STX8: variants seen among roughly 807,000 people sequenced by gnomAD.
STX8 encodes the protein syntaxin 8.
Under a neutral mutation model 37.5 loss-of-function variants are expected in STX8, and 23 were observed. That is an observed-to-expected ratio of 0.61 (90% CI 0.44 to 0.87). STX8 has a LOEUF of 0.87. Among genes scored for constraint, STX8 ranks in the 40% least tolerant of loss-of-function variants. The pLI, the probability that STX8 is intolerant of heterozygous loss-of-function variation, is 0.00. For synonymous variants in STX8, 115 were observed against 99.1 expected, an observed-to-expected ratio of 1.16 and a Z score of -0.95; for missense variants, 313 against 284.7, an observed-to-expected ratio of 1.10 and a Z score of -0.71.
intron 6 of STX8, among the ~76,000 whole-genome samples, chr17:9,457,004 T>C (rs774637401): frequency 3.9e-5 from 6 of 152,174 alleles, no homozygotes; most frequent in Non-Finnish European, 8.8e-5. Flanking sequence ...TGGCTGCAAG[T>C]AGCAGAAAAT....
intron 4 of STX8, among the ~76,000 whole-genome samples, chr17:9,505,784 C>A (rs543711509): frequency 3.8e-4 from 57 of 151,426 alleles, no homozygotes; most frequent in African/African-American, 1.4e-3. Flanking sequence ...CTAATAAACA[C>A]AAAAAAAATT....
In STX8 at chr17:9,256,767, C is replaced by T. The variant is rs1228322110; in HGVS notation, c.644-6122G>A. On this transcript the variant is annotated intron_variant, in intron 7 of 7. Coordinates refer to ENST00000306357, the MANE Select transcript of STX8 (RefSeq NM_004853.3). ...GTGGCTCCAGTTTCAGGGGCGCAGCCGACCCCCCTGCCGGAGGGACATGGG... is the reference window on the plus strand; with the variant it reads ...GTGGCTCCAGTTTCAGGGGCGCAGCTGACCCCCCTGCCGGAGGGACATGGG... Among the ~76,000 whole-genome samples, 6 of 152,140 alleles carry T rather than the reference C, an allele frequency of 3.9e-5. No individual in the cohort carries two copies. The South Asian group carries it at 1.0e-3, about 26-fold the overall frequency.
chr17:9,467,813 C>T (rs1905681766), intron 6 of STX8, among the ~76,000 whole-genome samples: 1 of 152,204 alleles, frequency 6.6e-6, no homozygotes, highest in African/African-American at 2.4e-5. Context: ...GTTCCAGGCA[C>T]GTCCAGGGCC....
At chr17:9,291,244 C>T (rs1287851442) in intron 7 of STX8, among the ~76,000 whole-genome samples, 2 of 151,982 alleles carry the variant, frequency 1.3e-5, no homozygotes, top group East Asian at 1.9e-4. Flanking sequence ...GAGGAGTTCA[C>T]GACTAACCTG....
chr17:9,360,240 T>C (rs954623414), intron 7 of STX8, among the ~76,000 whole-genome samples: 2 of 140,870 alleles, frequency 1.4e-5, no homozygotes, highest in African/African-American at 5.3e-5. Flanking sequence ...TTTTTTTTTT[T>C]TTTTTTTTTT....
chr17:9,570,482 T>A (rs531887032), intron 1 of STX8, among the ~76,000 whole-genome samples: 3 of 152,038 alleles, frequency 2.0e-5, no homozygotes, highest in Admixed American at 2.0e-4. Context: ...ATCACATACC[T>A]ATCGTTTATA....
intron 6 of STX8, among the ~76,000 whole-genome samples, chr17:9,411,506 T>C (rs1354560567): frequency 6.6e-6 from 1 of 152,276 alleles, no homozygotes; most frequent in East Asian, 1.9e-4. Context: ...GAAATTGTTT[T>C]GCCTAATTAA....
At chr17:9,459,750 T>C (rs940436909) in intron 6 of STX8, among the ~76,000 whole-genome samples, 2 of 152,160 alleles carry the variant, frequency 1.3e-5, no homozygotes, top group African/African-American at 2.4e-5. Flanking sequence ...CTCCTGACCT[T>C]GTGATCCACC....
chr17:9,277,500 A>G (rs1907717226), intron 7 of STX8, among the ~76,000 whole-genome samples: 1 of 152,126 alleles, frequency 6.6e-6, no homozygotes, highest in Non-Finnish European at 1.5e-5. Flanking sequence ...ACTCTGTACC[A>G]GGTACCATGT....
intron 7 of STX8, among the ~76,000 whole-genome samples, chr17:9,332,891 AATG>A: frequency 6.6e-6 from 1 of 152,286 alleles, no homozygotes. Context: ...CTAGGGAGGT[AATG>A]ATATTTTTGG....
chr17:9,307,943 G>C (rs60408251), intron 7 of STX8, among the ~76,000 whole-genome samples: 1 of 152,170 alleles, frequency 6.6e-6, no homozygotes, highest in African/African-American at 2.4e-5. Context: ...ATTCCAAAGG[G>C]TTTCTGCCCC....
chr17:9,480,130 C>A (rs1022561817), intron 6 of STX8, among the ~76,000 whole-genome samples: 1 of 152,174 alleles, frequency 6.6e-6, no homozygotes, highest in African/African-American at 2.4e-5. Flanking sequence ...CCGTCTCTAA[C>A]TGTGTATCTG....
intron 4 of STX8, among the ~76,000 whole-genome samples, chr17:9,525,323 CCA>C (rs1419808489): frequency 6.6e-6 from 1 of 151,892 alleles, no homozygotes; most frequent in East Asian, 1.9e-4. Flanking sequence ...CCCCCACTGC[CCA>C]CATTGATTTC....
chr17:9,505,189 A>G (rs371132101), intron 4 of STX8, 27 bp from the exon 5 acceptor site: 18 of 1,587,542 alleles, frequency 1.1e-5, no homozygotes, highest in East Asian at 2.3e-5. Context: ...AATGCATGAT[A>G]TATCTCAAAA....
At chr17:9,411,271 T>G (rs1294707802) in intron 6 of STX8, among the ~76,000 whole-genome samples, 4 of 152,222 alleles carry the variant, frequency 2.6e-5, no homozygotes, top group Non-Finnish European at 4.4e-5. Flanking sequence ...TCTCAATGTC[T>G]CTCTGATTAA....
chr17:9,278,222 T>C (rs1597579834), intron 7 of STX8, among the ~76,000 whole-genome samples: 1 of 152,086 alleles, frequency 6.6e-6, no homozygotes, highest in East Asian at 1.9e-4. Context: ...CCGAGGCAGG[T>C]GGATCACCTG....
chr17:9,453,132 T>A (rs1905093562), intron 6 of STX8, among the ~76,000 whole-genome samples: 1 of 152,074 alleles, frequency 6.6e-6, no homozygotes, highest in Non-Finnish European at 1.5e-5. Flanking sequence ...TAGATGTTTC[T>A]CATCTTTAGT....
At chr17:9,320,177 A>G (rs1467739745) in intron 7 of STX8, among the ~76,000 whole-genome samples, 1 of 152,004 alleles carries the variant, frequency 6.6e-6, no homozygotes, top group African/African-American at 2.4e-5. Context: ...TACTAAAAAT[A>G]CAAAAAATAA....
At chr17:9,270,474 C>G (rs898251238) in intron 7 of STX8, among the ~76,000 whole-genome samples, 1 of 151,828 alleles carries the variant, frequency 6.6e-6, no homozygotes, top group Non-Finnish European at 1.5e-5. Context: ...CAGGAATGGT[C>G]TGATCTCCTG....
Sources: allele counts gnomAD v4.1 joint callset (sites outside exome capture counted in the v4.1 genomes callset), GRCh38; gene constraint gnomAD v4.1.1; transcripts MANE v1.5; gene names NCBI Gene and HGNC (gene_info 2026-07-23, HGNC 2026-07-21).